The following CEBPZOS variants were observed in gnomAD, a reference collection of about 807,000 sequenced individuals.
CEBPZOS encodes protein CEBPZOS.
In CEBPZOS, 10 loss-of-function variants were observed where a neutral mutation model predicts 4.8. The observed-to-expected ratio is 2.07, with a 90% CI of 1.28 to 3.52. The LOEUF (loss-of-function observed/expected upper bound fraction) is 3.52. CEBPZOS is among the 30% of genes most tolerant of loss of function. The probability of loss-of-function intolerance (pLI) is 0.00; values close to 1 mark genes in which losing one functional copy is unlikely to be tolerated. For missense variants in CEBPZOS, 98 were observed against 43.6 expected, an observed-to-expected ratio of 2.25 and a Z score of -3.51; for synonymous variants, 25 against 14.2, an observed-to-expected ratio of 1.77 and a Z score of -1.72.
intron 4 of CEBPZOS, chr2:37,210,885 C>A: frequency 7.7e-6 from 4 of 519,154 alleles, no homozygotes; most frequent in South Asian, 9.5e-5. Context: ...TAAAAAGAAC[C>A]CCCCCCACCC....
chr2:37,210,803 G>C (rs541350046), intron 4 of CEBPZOS: 2 of 471,098 alleles, frequency 4.2e-6, no homozygotes, highest in African/African-American at 4.0e-5. Flanking sequence ...TGAATGAAAA[G>C]ATGATCCAGA....
chr2:37,214,409 C>A (rs1314134296), downstream of CEBPZOS, among the ~76,000 whole-genome samples: 1 of 152,020 alleles, frequency 6.6e-6, no homozygotes, highest in Non-Finnish European at 1.5e-5. Context: ...TGAATCCATT[C>A]TAAGGGCCAT....
downstream of CEBPZOS, among the ~76,000 whole-genome samples, chr2:37,206,423 T>A (rs1677541760): frequency 6.6e-6 from 1 of 152,244 alleles, no homozygotes; most frequent in South Asian, 2.1e-4. Flanking sequence ...AGTGGTGTGA[T>A]CTTGGCTCAC....
chr2:37,208,983 T>C (rs1186335894), downstream of CEBPZOS: 1 of 150,974 alleles, frequency 6.6e-6, no homozygotes, highest in Non-Finnish European at 1.5e-5. Flanking sequence ...GTAGCATTGC[T>C]ATACACCAAC....
At chr2:37,211,760 T>TA in intron 4 of CEBPZOS, 4 of 1,038,278 alleles carry the variant, frequency 3.9e-6, no homozygotes, top group Non-Finnish European at 5.5e-6. Context: ...AGGGCTATAT[T>TA]AAAAACCTTT....
chr2:37,202,011 G>A lies in CEBPZOS; in HGVS notation c.*151G>A. On this transcript the variant is annotated 3_prime_UTR_variant, in exon 5 of 5. Coordinates refer to ENST00000402297, the MANE Select transcript of CEBPZOS (RefSeq NM_001322374.2). ...GAACTTCTAGCCTGCCTTGGCCTGT[G>A]GTTTCCCACCCACTATACAAACCCA... is the stretch of plus-strand genomic sequence containing the variant. 1 of 950,862 alleles carries A rather than the reference G, an allele frequency of 1.1e-6. No individual in the cohort carries two copies. Among genetic ancestry groups the A allele is most frequent in the Non-Finnish European group, 1.6e-6 (1 of 643,944 alleles). 58.9% of individuals were successfully genotyped at this position (950,862 alleles called of 1,614,324 possible).
At chr2:37,201,205 T>C (rs2148325920) in intron 3 of CEBPZOS, 113 bp downstream of exon 3, 1 of 629,704 alleles carries the variant, frequency 1.6e-6, no homozygotes, top group Non-Finnish European at 2.9e-6. Context: ...ACATGTATTT[T>C]AGTTCTTCTG....
rs1677214453 is a variant in CEBPZOS, at chr2:37,201,210, C to T, written c.160+118C>T. On this transcript the variant is annotated intron_variant, in intron 3 of 4. Transcript: ENST00000402297. ...AATACTATTCACATGTATTTTAGTT[C>T]TTCTGAGACTAAATTCTCATCTATT... 7 of 619,756 alleles carry T rather than the reference C, an allele frequency of 1.1e-5. No individual in the cohort carries two copies. In the South Asian group the frequency reaches 1.4e-4, roughly 13 times the overall value. The allele number at this position is 619,756 out of a possible 1,614,324, so 38.4% of individuals were successfully genotyped here. A position where few individuals can be genotyped will look rare whatever the true frequency, so the allele number is the denominator to read the frequency against.
At chr2:37,201,231 C>A (rs182222217) in intron 3 of CEBPZOS, 139 bp downstream of exon 3, 1 of 609,682 alleles carries the variant, frequency 1.6e-6, no homozygotes, top group Non-Finnish European at 2.9e-6. Flanking sequence ...AAATTCTCAT[C>A]TATTCTAGTG....
chr2:37,204,852 G>A (rs993433476), downstream of CEBPZOS: 1 of 152,152 alleles, frequency 6.6e-6, no homozygotes, highest in Non-Finnish European at 1.5e-5. Context: ...TTCTGAAACA[G>A]TACTTTACTA....
chr2:37,214,679 C>G (rs1254627625), downstream of CEBPZOS, among the ~76,000 whole-genome samples: 1 of 151,964 alleles, frequency 6.6e-6, no homozygotes, highest in East Asian at 1.9e-4. Context: ...CAGACATATC[C>G]TTTGATCTTT....
chr2:37,212,771 C>CATT lies in CEBPZOS; in HGVS notation c.*3-665_*3-664insTTA, dbSNP rs1677764030. 5.4e-5 allele frequency: 9 copies of CATT among 165,540 alleles called. No individual in the cohort carries two copies. In the South Asian group the frequency reaches 1.3e-3, roughly 24 times the overall value. 10.3% of individuals were successfully genotyped at this position (165,540 alleles called of 1,614,324 possible). The stretch of plus-strand genomic sequence containing the variant: ...TAACATCTCATGCTTGTAATTCCAG[C>CATT]ACTTTGGGAGGCCGAGGTGGAGTGA... On this transcript the variant is annotated intron_variant, in intron 4 of 4. Coordinates refer to the CEBPZOS transcript ENST00000397064.
chr2:37,205,185 G>A (rs1677491014), downstream of CEBPZOS, among the ~76,000 whole-genome samples: 1 of 152,158 alleles, frequency 6.6e-6, no homozygotes, highest in Non-Finnish European at 1.5e-5. Flanking sequence ...TAGGCGTGAG[G>A]CTCTGAAAGA....
At chr2:37,201,579 A>G (rs374361301) in intron 3 of CEBPZOS, 63 bp from the exon 4 acceptor site, 37 of 656,568 alleles carry the variant, frequency 5.6e-5, no homozygotes, top group African/African-American at 4.6e-4. Context: ...GTTTTTTTCA[A>G]TACATTTAAT....
chr2:37,202,060 T>C lies in CEBPZOS; in HGVS notation c.*200T>C, dbSNP rs1288245754. The C allele has an allele frequency of 4.1e-6, 2 of 482,036 alleles. No individual in the cohort carries two copies. The highest frequency in any genetic ancestry group is 4.0e-5 in the African/African-American group (2 of 50,610). 29.9% of individuals were successfully genotyped at this position (482,036 alleles called of 1,614,324 possible). A position where few individuals can be genotyped will look rare whatever the true frequency, so the allele number is the denominator to read the frequency against. On this transcript the variant is annotated 3_prime_UTR_variant, in exon 5 of 5. Coordinates refer to ENST00000402297, the MANE Select transcript of CEBPZOS (RefSeq NM_001322374.2). ...CACTGCTTGTTTGTTGCTTTTCTTCTCATATTTATTGTCAAAGATAAATGT... is the reference window on the plus strand; with the variant it reads ...CACTGCTTGTTTGTTGCTTTTCTTCCCATATTTATTGTCAAAGATAAATGT...
chr2:37,199,855 G>A (rs776410453), intron 2 of CEBPZOS, 36 bp downstream of exon 2: 1 of 701,586 alleles, frequency 1.4e-6, no homozygotes, highest in East Asian at 2.7e-5. Flanking sequence ...TTTCTAAAGG[G>A]GTATAGTTTT....
downstream of CEBPZOS, among the ~76,000 whole-genome samples, chr2:37,207,968 C>A (rs1008531733): frequency 1.7e-4 from 26 of 152,068 alleles, no homozygotes; most frequent in African/African-American, 6.0e-4. Context: ...ATGGGAGATA[C>A]TACAACCGAT....
intron 1 of CEBPZOS, among the ~76,000 whole-genome samples, chr2:37,199,066 A>G (rs1421287314): frequency 6.6e-6 from 1 of 152,146 alleles, no homozygotes; most frequent in Non-Finnish European, 1.5e-5. Flanking sequence ...AGGTGGGAGG[A>G]TTGTTTGAGC....
At chr2:37,213,749 GAT>G, downstream of CEBPZOS, 1 of 675,480 alleles carries the variant, frequency 1.5e-6, no homozygotes, top group Non-Finnish European at 2.5e-6. Context: ...TGATTTGCAT[GAT>G]ATTCTTAGCT....
Sources: allele counts gnomAD v4.1 joint callset (sites outside exome capture counted in the v4.1 genomes callset), GRCh38; gene constraint gnomAD v4.1.1; transcripts MANE v1.5; gene names NCBI Gene and HGNC (gene_info 2026-07-23, HGNC 2026-07-21).